Variants in SERF1B observed in about 807,000 individuals in gnomAD.
The protein encoded by SERF1B is small EDRK-rich factor 1B.
chr5:70,028,552 CAA>C (rs1157134405), intron 2 of SERF1B, among the ~76,000 whole-genome samples: 1 of 91,456 alleles, frequency 1.1e-5, no homozygotes, highest in Non-Finnish European at 2.2e-5. Context: ...GACTCCGTCT[CAA>C]AAAAAAAAAA....
At chr5:70,029,527 T>C (rs1250236710) in intron 2 of SERF1B, among the ~76,000 whole-genome samples, 1 of 148,404 alleles carries the variant, frequency 6.7e-6, no homozygotes, top group Non-Finnish European at 1.5e-5. Context: ...GTTTGTTACA[T>C]AGATATACAT....
chr5:70,029,234 T>TA (rs1774110928), intron 2 of SERF1B, among the ~76,000 whole-genome samples: 1 of 151,688 alleles, frequency 6.6e-6, no homozygotes, highest in African/African-American at 2.4e-5. Context: ...CTCCTGGGCT[T>TA]AAGCGATTCT....
At chr5:70,028,697 AGT>A (rs1445348678) in intron 2 of SERF1B, among the ~76,000 whole-genome samples, 1 of 134,424 alleles carries the variant, frequency 7.4e-6, no homozygotes, top group Non-Finnish European at 1.6e-5. Context: ...GGACAACAAG[AGT>A]GAAACTCCGG....
chr5:70,029,209 C>G (rs1190013395), intron 2 of SERF1B, among the ~76,000 whole-genome samples: 1 of 151,540 alleles, frequency 6.6e-6, no homozygotes, highest in African/African-American at 2.4e-5. Context: ...GATCTCGGCT[C>G]ACTGCAACCT....
In SERF1B at chr5:70,041,397, T is replaced by C; in HGVS notation, c.117-127T>C. ...AATGGTATACTTCTCTCAGTGCTCA[T>C]GCAAACATGCATACACACACATACA... On this transcript the variant is annotated intron_variant, in intron 2 of 2. Coordinates refer to ENST00000380750, the MANE Select transcript of SERF1B (RefSeq NM_022978.3). The C allele has an allele frequency of 5.8e-6, 4 of 689,758 alleles. No individual in the cohort carries two copies. In the South Asian group the frequency reaches 6.7e-5, roughly 11 times the overall value. The allele number at this position is 689,758 out of a possible 1,614,324, so 42.7% of individuals were successfully genotyped here.
At chr5:70,037,959 TCAAAAAAAAAA>T (rs1774218365) in intron 2 of SERF1B, among the ~76,000 whole-genome samples, 1 of 106,310 alleles carries the variant, frequency 9.4e-6, no homozygotes, top group Admixed American at 9.1e-5. Context: ...AGACTCTGTC[TCAAAAAAAAAA>T]CAAAAAAAAA....
intron 2 of SERF1B, among the ~76,000 whole-genome samples, chr5:70,036,629 A>ACTCTCTCT (rs1554065559): frequency 0.085 from 4,239 of 50,076 alleles, 113 homozygotes; most frequent in East Asian, 0.19. Flanking sequence ...ACACACACAC[A>ACTCTCTCT]CTCTCTCTCT....
At chr5:70,031,949 CTAGT>C (rs1311771436) in intron 2 of SERF1B, among the ~76,000 whole-genome samples, 2 of 125,962 alleles carry the variant, frequency 1.6e-5, no homozygotes, top group Non-Finnish European at 3.5e-5. Flanking sequence ...AATGAATTAA[CTAGT>C]TAACAACCAA....
chr5:70,029,640 A>G (rs1375639490), intron 2 of SERF1B: 1 of 392,496 alleles, frequency 2.5e-6, no homozygotes, highest in Non-Finnish European at 4.9e-6. Flanking sequence ...GTTATACCTT[A>G]AACTGAACTT....
chr5:70,032,363 GT>G, intron 2 of SERF1B: 2 of 807,672 alleles, frequency 2.5e-6, no homozygotes, highest in Non-Finnish European at 3.7e-6. Context: ...ATGAGAAGAA[GT>G]CTATGCAGAC....
intron 2 of SERF1B, among the ~76,000 whole-genome samples, chr5:70,038,082 C>T (rs1774221807): frequency 7.5e-6 from 1 of 132,590 alleles, no homozygotes; most frequent in Admixed American, 7.5e-5. Context: ...TTCCTTGCAG[C>T]AGTCTGGCTG....
chr5:70,036,629 A>ACTCTCTCTCT (rs1554065559), intron 2 of SERF1B, among the ~76,000 whole-genome samples: 2,460 of 49,942 alleles, frequency 0.049, 53 homozygotes, highest in East Asian at 0.065. Flanking sequence ...ACACACACAC[A>ACTCTCTCTCT]CTCTCTCTCT....
At chr5:70,036,594 TACACACACACACAC>T (rs1212936359) in intron 2 of SERF1B, among the ~76,000 whole-genome samples, 28 of 106,438 alleles carry the variant, frequency 2.6e-4, no homozygotes, top group African/African-American at 1.0e-3. Flanking sequence ...TCTCAAAACA[TACACACACACACAC>T]ACACACACAC....
chr5:70,036,932 T>C (rs1232486821), intron 2 of SERF1B, among the ~76,000 whole-genome samples: 1 of 51,364 alleles, frequency 1.9e-5, no homozygotes, highest in African/African-American at 1.1e-4. Context: ...AGGTTTGTTT[T>C]TTTCACACCT....
chr5:70,036,619 ACACACACACACT>A lies in SERF1B; in HGVS notation c.117-4903_117-4892del, dbSNP rs1238516318. Among the ~76,000 whole-genome samples, 114 of 124,606 alleles carry A rather than the reference ACACACACACACT, an allele frequency of 9.1e-4. 2 individuals are homozygous for A. Among genetic ancestry groups the A allele is most frequent in the African/African-American group, 3.4e-3 (103 of 30,182 alleles). The allele number at this position is 124,606 out of a possible 152,430, so 81.7% of individuals were successfully genotyped here. Reference sequence around the variant, plus strand: ...TACACACACACACACACACACACACACACACACACACTCTCTCTCTCTCTCTCTCTCTCTCTC... The same window carrying A: ...TACACACACACACACACACACACACACTCTCTCTCTCTCTCTCTCTCTCTC... On this transcript the variant is annotated intron_variant, in intron 2 of 2. Coordinates refer to ENST00000380750, the MANE Select transcript of SERF1B (RefSeq NM_022978.3).
intron 2 of SERF1B, among the ~76,000 whole-genome samples, chr5:70,041,265 T>C (rs1195395910): frequency 6.7e-6 from 1 of 149,120 alleles, no homozygotes; most frequent in African/African-American, 2.6e-5. Context: ...TAGTCTTAAT[T>C]TACTTCCATA....
chr5:70,028,552 C>CAAAAAA (rs1157134405), intron 2 of SERF1B, among the ~76,000 whole-genome samples: 1 of 91,454 alleles, frequency 1.1e-5, no homozygotes, highest in Non-Finnish European at 2.2e-5. Flanking sequence ...GACTCCGTCT[C>CAAAAAA]AAAAAAAAAA....
chr5:70,036,629 A>ACTCTCTCTCTCTCTCTCTCTCTCTCT (rs1554065559), intron 2 of SERF1B, among the ~76,000 whole-genome samples: 2 of 49,838 alleles, frequency 4.0e-5, no homozygotes, highest in African/African-American at 1.3e-4. Context: ...ACACACACAC[A>ACTCTCTCTCTCTCTCTCTCTCTCTCT]CTCTCTCTCT....
chr5:70,038,304 C>T (rs1190106283), intron 2 of SERF1B, among the ~76,000 whole-genome samples: 1 of 142,110 alleles, frequency 7.0e-6, no homozygotes, highest in Admixed American at 7.0e-5. Context: ...GTATTTAACC[C>T]ATTTCCTGTT....
Sources: gnomAD v4.1 joint callset for allele counts (sites outside exome capture counted in the v4.1 genomes callset) on GRCh38, gnomAD v4.1.1 for gene constraint, MANE v1.5 for transcripts, NCBI Gene and HGNC (gene_info 2026-07-23, HGNC 2026-07-21) for gene names.